SORCS1: variants seen among roughly 807,000 people sequenced by gnomAD.
The protein encoded by SORCS1 is VPS10 domain-containing receptor SorCS1.
Under a neutral mutation model 146.1 loss-of-function variants are expected in SORCS1, and 60 were observed. That is an observed-to-expected ratio of 0.41 (90% CI 0.33 to 0.51). The LOEUF is 0.51. SORCS1 is among the 20% of genes least tolerant of loss of function. The pLI, the probability that SORCS1 is intolerant of heterozygous loss-of-function variation, is 0.21. For missense variants in SORCS1, 1,352 were observed against 1,487.6 expected (o/e 0.91, Z 1.50); for synonymous variants, 637 against 584.0 (o/e 1.09, Z -1.31).
intron 3 of SORCS1, among the ~76,000 whole-genome samples, chr10:106,794,381 T>A (rs142312848): frequency 1.2e-4 from 18 of 152,260 alleles, no homozygotes; most frequent in African/African-American, 4.3e-4. Flanking sequence ...ATTGCATCCT[T>A]CTGGCTGTTC....
chr10:106,925,086 T>C (rs1313857832), intron 2 of SORCS1, among the ~76,000 whole-genome samples: 3 of 152,234 alleles, frequency 2.0e-5, no homozygotes, highest in African/African-American at 7.2e-5. Context: ...AATCATTTTG[T>C]AATGATTGAG....
chr10:106,835,334 T>C (rs1448021787), intron 2 of SORCS1, among the ~76,000 whole-genome samples: 2 of 152,218 alleles, frequency 1.3e-5, no homozygotes, highest in African/African-American at 4.8e-5. Context: ...AGCACAATGA[T>C]TGGCACAGAA....
intron 1 of SORCS1, among the ~76,000 whole-genome samples, chr10:106,988,201 A>C (rs1232496455): frequency 1.3e-5 from 2 of 152,210 alleles, no homozygotes; most frequent in African/African-American, 4.8e-5. Flanking sequence ...TATTCTATAG[A>C]GTCATGCCAT....
chr10:107,093,222 C>G (rs577749646), intron 1 of SORCS1, among the ~76,000 whole-genome samples: 1 of 152,150 alleles, frequency 6.6e-6, no homozygotes, highest in African/African-American at 2.4e-5. Context: ...ATATGCCCAG[C>G]ACATACACAC....
chr10:106,787,773 C>T (rs1236763343), intron 3 of SORCS1, among the ~76,000 whole-genome samples: 1 of 152,226 alleles, frequency 6.6e-6, no homozygotes, highest in Non-Finnish European at 1.5e-5. Flanking sequence ...CAAGGATCCT[C>T]ATCAATCAGA....
intron 4 of SORCS1, among the ~76,000 whole-genome samples, chr10:106,771,888 C>T (rs1331081405): frequency 1.3e-5 from 2 of 152,176 alleles, no homozygotes; most frequent in African/African-American, 2.4e-5. Context: ...ACGCAGGCTA[C>T]TTATTTAAGA....
chr10:106,776,233 C>T (rs1860423291), intron 4 of SORCS1, among the ~76,000 whole-genome samples: 1 of 152,226 alleles, frequency 6.6e-6, no homozygotes, highest in Admixed American at 6.5e-5. Context: ...AAGACACTGT[C>T]TCCAATTCAG....
chr10:106,888,930 A>G (rs1013257667), intron 2 of SORCS1, among the ~76,000 whole-genome samples: 1 of 152,232 alleles, frequency 6.6e-6, no homozygotes, highest in Admixed American at 6.5e-5. Flanking sequence ...ATTTAAAATC[A>G]CAAGGTGCGG....
At chr10:107,115,836 T>A (rs1966005158) in intron 1 of SORCS1, among the ~76,000 whole-genome samples, 1 of 152,092 alleles carries the variant, frequency 6.6e-6, no homozygotes, top group East Asian at 1.9e-4. Context: ...AGAGAATGTT[T>A]GCAAGCTAGC....
At chr10:106,831,754 C>T (rs1948554546) in intron 2 of SORCS1, among the ~76,000 whole-genome samples, 1 of 152,014 alleles carries the variant, frequency 6.6e-6, no homozygotes, top group African/African-American at 2.4e-5. Context: ...AGATGGCAAA[C>T]AGAAAACGGT....
At chr10:106,826,101 A>G (rs1254255654) in intron 3 of SORCS1, among the ~76,000 whole-genome samples, 1 of 152,252 alleles carries the variant, frequency 6.6e-6, no homozygotes, top group Non-Finnish European at 1.5e-5. Flanking sequence ...AGTACCCCTA[A>G]CAAGCTGCCT....
At chr10:106,673,085 AT>A in intron 14 of SORCS1, 100 bp from the exon 15 acceptor site, 1 of 830,770 alleles carries the variant, frequency 1.2e-6, no homozygotes, top group Non-Finnish European at 1.9e-6. Flanking sequence ...AGCTAAGCAC[AT>A]TACATGAATC....
chr10:106,609,659 C>T (rs1330058070), intron 22 of SORCS1, among the ~76,000 whole-genome samples: 2 of 152,214 alleles, frequency 1.3e-5, no homozygotes, highest in Non-Finnish European at 2.9e-5. Flanking sequence ...CTGCTATAAC[C>T]CTGCCCTGAG....
chr10:106,946,207 A>T (rs1191117866), intron 2 of SORCS1, among the ~76,000 whole-genome samples: 1 of 114,372 alleles, frequency 8.7e-6, no homozygotes. Context: ...TTCATAACAT[A>T]CTCTTCAAAG....
At chr10:107,036,642 C>CTT (rs1958920381) in intron 1 of SORCS1, among the ~76,000 whole-genome samples, 1 of 152,192 alleles carries the variant, frequency 6.6e-6, no homozygotes, top group African/African-American at 2.4e-5. Flanking sequence ...TGGGACTGTT[C>CTT]TTAACAGAGA....
intron 18 of SORCS1, among the ~76,000 whole-genome samples, chr10:106,643,940 T>C (rs751091684): frequency 1.3e-5 from 2 of 152,316 alleles, no homozygotes; most frequent in East Asian, 1.9e-4. Context: ...AACTCTGCTA[T>C]AGTATAAACA....
chr10:106,970,642 A>G (rs1388955470), intron 1 of SORCS1, among the ~76,000 whole-genome samples: 1 of 151,794 alleles, frequency 6.6e-6, no homozygotes, highest in Non-Finnish European at 1.5e-5. Flanking sequence ...ACACCCAACC[A>G]GTCTCTAAGG....
At chr10:107,047,526 C>A (rs1397507479) in intron 1 of SORCS1, among the ~76,000 whole-genome samples, 1 of 152,070 alleles carries the variant, frequency 6.6e-6, no homozygotes, top group Non-Finnish European at 1.5e-5. Context: ...ATGGGTTATT[C>A]TGATTATCAG....
chr10:107,120,580 CA>C (rs1966342548), intron 1 of SORCS1, among the ~76,000 whole-genome samples: 1 of 152,086 alleles, frequency 6.6e-6, no homozygotes, highest in South Asian at 2.1e-4. Context: ...AAATAAGGAC[CA>C]GGAAATTCAC....
Sources: gnomAD v4.1 joint callset for allele counts (sites outside exome capture counted in the v4.1 genomes callset) on GRCh38, gnomAD v4.1.1 for gene constraint, MANE v1.5 for transcripts, NCBI Gene and HGNC (gene_info 2026-07-23, HGNC 2026-07-21) for gene names.